ANKRD33B: variants seen among roughly 807,000 people sequenced by gnomAD.
The protein encoded by ANKRD33B is ankyrin repeat domain 33B, also known as ankyrin repeat domain-containing protein 33B.
In ANKRD33B, 6 loss-of-function variants were observed where a neutral mutation model predicts 21.5. The observed-to-expected ratio is 0.28, with a 90% CI of 0.15 to 0.55. The LOEUF is 0.55. Ranked by LOEUF, ANKRD33B falls within the 20% of genes least tolerant of loss-of-function variation. ANKRD33B has a pLI of 0.94. For missense variants in ANKRD33B, 698 were observed against 747.2 expected (o/e 0.93, Z 0.77); for synonymous variants, 347 against 342.4 (o/e 1.01, Z -0.15).
chr5:10,564,524 A>T lies in ANKRD33B; in HGVS notation c.57A>T (p.Pro19=), dbSNP rs1337620134. Residue 19 remains proline (P), a synonymous_variant, in exon 1 of 4, where the codon CCA becomes CCT. Transcript: ENST00000296657. Reference sequence around the variant, plus strand: ...GCGGCGGGGCGCGCTGCATGACCCCACCACCGCCGTCCCCACCCCGGGGCG... The same window carrying T: ...GCGGCGGGGCGCGCTGCATGACCCCTCCACCGCCGTCCCCACCCCGGGGCG... ...PEGGGARCMT[P]PPPSPPRGAQ... The T allele has an allele frequency of 3.6e-5, 55 of 1,530,162 alleles. No homozygotes were observed. The highest frequency in any genetic ancestry group is 4.6e-5 in the Non-Finnish European group (53 of 1,145,064). 94.8% of individuals were successfully genotyped at this position (1,530,162 alleles called of 1,614,324 possible).
chr5:10,608,789 A>G (rs1430318883), intron 1 of ANKRD33B, among the ~76,000 whole-genome samples: 1 of 152,226 alleles, frequency 6.6e-6, no homozygotes, highest in Non-Finnish European at 1.5e-5. Flanking sequence ...TAATAATATG[A>G]CTGCATCGAA....
chr5:10,629,184 G>A (rs1736648507), intron 2 of ANKRD33B, among the ~76,000 whole-genome samples: 1 of 152,222 alleles, frequency 6.6e-6, no homozygotes, highest in African/African-American at 2.4e-5. Context: ...GAGAATGAAT[G>A]GGGGCAGAAG....
intron 1 of ANKRD33B, among the ~76,000 whole-genome samples, chr5:10,594,131 C>T (rs1735766811): frequency 6.6e-6 from 1 of 150,514 alleles, no homozygotes; most frequent in African/African-American, 2.5e-5. Flanking sequence ...CACTCTTATT[C>T]AGGGAGGGAT....
chr5:10,649,879 G>T lies in ANKRD33B; in HGVS notation c.1251G>T (p.Val417=). The part of the protein sequence containing the change: ...LPLQRLRRRS[V]RPGVVVPRVR... ...TGCAGCGCCTGCGGCGGAGAAGCGTGCGGCCCGGTGTGGTGGTGCCCCGGG... is the reference window on the plus strand; with the variant it reads ...TGCAGCGCCTGCGGCGGAGAAGCGTTCGGCCCGGTGTGGTGGTGCCCCGGG... Residue 417 remains valine, a synonymous_variant, in exon 4 of 4, where the codon GTG becomes GTT. Transcript: ENST00000296657. 6.7e-7 allele frequency: 1 copy of T among 1,492,254 alleles called. No individual in the cohort carries two copies. Among genetic ancestry groups the T allele is most frequent in the Non-Finnish European group, 8.9e-7 (1 of 1,127,222 alleles). 92.4% of individuals were successfully genotyped at this position (1,492,254 alleles called of 1,614,324 possible). A position where few individuals can be genotyped will look rare whatever the true frequency, so the allele number is the denominator to read the frequency against.
intron 1 of ANKRD33B, among the ~76,000 whole-genome samples, chr5:10,599,999 T>C (rs1735898015): frequency 6.6e-6 from 1 of 152,228 alleles, no homozygotes; most frequent in East Asian, 1.9e-4. Flanking sequence ...CAAACACTTG[T>C]TATTTTTTTA....
At chr5:10,567,675 GA>G (rs1356511750) in intron 1 of ANKRD33B, among the ~76,000 whole-genome samples, 1 of 152,212 alleles carries the variant, frequency 6.6e-6, no homozygotes, top group Non-Finnish European at 1.5e-5. Flanking sequence ...ATTTAGGGCT[GA>G]AATTATAAAT....
In ANKRD33B at chr5:10,649,654, G is replaced by A; in HGVS notation, c.1026G>A (p.Val342=). 1 of 1,530,618 alleles carries A rather than the reference G, an allele frequency of 6.5e-7. No homozygotes were observed. The highest frequency in any genetic ancestry group is 8.7e-7 in the Non-Finnish European group (1 of 1,144,548). 94.8% of individuals were successfully genotyped at this position (1,530,618 alleles called of 1,614,324 possible). A position where few individuals can be genotyped will look rare whatever the true frequency, so the allele number is the denominator to read the frequency against. The stretch of plus-strand genomic sequence containing the variant: ...GCGTGGGGAAGAGGCGGCTGGCGGT[G>A]CAGGAGATCCTGGCGGCGCGGGCTG... The part of the protein sequence containing the change: ...PPSVGKRRLA[V]QEILAARAAR... The change falls in exon 4 of 4, where the codon GTG becomes GTA. Residue 342 remains valine, a synonymous_variant. Coordinates refer to ENST00000296657, the MANE Select transcript of ANKRD33B (RefSeq NM_001164440.2).
intron 1 of ANKRD33B, among the ~76,000 whole-genome samples, chr5:10,593,564 C>T (rs1434560183): frequency 6.6e-6 from 1 of 152,076 alleles, no homozygotes; most frequent in Admixed American, 6.5e-5. Context: ...CCCAACCCCA[C>T]CCTGGGTCAA....
chr5:10,603,183 A>G (rs1232787982), intron 1 of ANKRD33B, among the ~76,000 whole-genome samples: 1 of 151,988 alleles, frequency 6.6e-6, no homozygotes, highest in African/African-American at 2.4e-5. Flanking sequence ...TCTTCTGTAC[A>G]GTTTTCTCAC....
chr5:10,618,763 G>A (rs1379942841), intron 2 of ANKRD33B, among the ~76,000 whole-genome samples: 1 of 152,174 alleles, frequency 6.6e-6, no homozygotes, highest in Non-Finnish European at 1.5e-5. Flanking sequence ...TCCTGCTCCC[G>A]AAGACTGGGG....
chr5:10,589,268 C>G (rs1735633490), intron 1 of ANKRD33B, among the ~76,000 whole-genome samples: 1 of 152,164 alleles, frequency 6.6e-6, no homozygotes, highest in Non-Finnish European at 1.5e-5. Context: ...TCCTGGATGG[C>G]TCCTCCCCTC....
At chr5:10,573,811 C>T (rs1390302942) in intron 1 of ANKRD33B, among the ~76,000 whole-genome samples, 2 of 152,198 alleles carry the variant, frequency 1.3e-5, no homozygotes, top group African/African-American at 2.4e-5. Flanking sequence ...TCACCTCCCA[C>T]CAGGCCCCTC....
intron 1 of ANKRD33B, among the ~76,000 whole-genome samples, chr5:10,614,733 A>G (rs1241807202): frequency 6.6e-6 from 1 of 152,164 alleles, no homozygotes; most frequent in East Asian, 1.9e-4. Context: ...CTAAAAATAC[A>G]AAAATTAGCC....
intron 2 of ANKRD33B, among the ~76,000 whole-genome samples, chr5:10,629,894 C>T (rs770674551): frequency 1.3e-4 from 20 of 152,268 alleles, no homozygotes; most frequent in Middle Eastern, 3.4e-3. Context: ...GTGATGAGAA[C>T]TGACAAATCA....
intron 2 of ANKRD33B, among the ~76,000 whole-genome samples, chr5:10,636,223 G>A (rs1240561765): frequency 6.6e-6 from 1 of 152,192 alleles, no homozygotes; most frequent in Non-Finnish European, 1.5e-5. Context: ...TGTCCACGAG[G>A]CCCCTGCAGC....
chr5:10,567,378 T>C (rs551863977), intron 1 of ANKRD33B, among the ~76,000 whole-genome samples: 2 of 152,390 alleles, frequency 1.3e-5, no homozygotes, highest in Admixed American at 1.3e-4. Context: ...CTAGGTACTT[T>C]AGCAGACTCA....
Position 10,619,190 on chromosome 5 carries a change from T to C in ANKRD33B, c.496+728T>C, listed in dbSNP as rs1266597573. ...TATCACTGACCCCTTTCACATTTCT[T>C]TGCCTCCAAAGATTCTGTCTGTTTC... is the stretch of plus-strand genomic sequence containing the variant. On this transcript the variant is annotated intron_variant, in intron 2 of 3. Coordinates refer to ENST00000296657, the MANE Select transcript of ANKRD33B (RefSeq NM_001164440.2). The surrounding 1 kb of genome is among the most constrained non-coding windows in gnomAD (Gnocchi z 4.5). 2.0e-6 allele frequency: 1 copy of C among 503,372 alleles called. No individual in the cohort carries two copies. The highest frequency in any genetic ancestry group is 2.6e-6 in the Non-Finnish European group (1 of 389,708). 31.2% of individuals were successfully genotyped at this position (503,372 alleles called of 1,614,324 possible). A position where few individuals can be genotyped will look rare whatever the true frequency, so the allele number is the denominator to read the frequency against.
intron 1 of ANKRD33B, among the ~76,000 whole-genome samples, chr5:10,592,689 A>G (rs987596728): frequency 6.6e-6 from 1 of 151,880 alleles, no homozygotes; most frequent in Non-Finnish European, 1.5e-5. Flanking sequence ...TTGCAGTGAG[A>G]GACCCCAGGC....
chr5:10,569,589 C>T (rs543970853), intron 1 of ANKRD33B, among the ~76,000 whole-genome samples: 8 of 100,214 alleles, frequency 8.0e-5, no homozygotes, highest in Middle Eastern at 8.7e-3. Context: ...GAACAAGACC[C>T]GTGTTTGAAA....
Sources: gnomAD v4.1 joint callset for allele counts (sites outside exome capture counted in the v4.1 genomes callset) on GRCh38, gnomAD v4.1.1 for gene constraint, Gnocchi (gnomAD v3.1) non-coding constraint, MANE v1.5 for transcripts, NCBI Gene and HGNC (gene_info 2026-07-23, HGNC 2026-07-21) for gene names.